PTK2: variants seen among roughly 807,000 people sequenced by gnomAD.
The protein encoded by PTK2 is protein tyrosine kinase 2, also known as focal adhesion kinase 1.
PTK2 carries 45 observed loss-of-function variants against 150.1 expected under a neutral mutation model. That is an observed-to-expected ratio of 0.30 (90% confidence interval 0.24 to 0.38). The LOEUF (loss-of-function observed/expected upper bound fraction) is 0.38. Ranked by LOEUF, PTK2 falls within the 10% of genes least tolerant of loss-of-function variation. The pLI is 1.00. For missense variants in PTK2, 919 were observed against 1,307.3 expected, an observed-to-expected ratio of 0.70 and a Z score of 4.58; for synonymous variants, 432 against 449.2, an observed-to-expected ratio of 0.96 and a Z score of 0.48.
intron 14 of PTK2, among the ~76,000 whole-genome samples, chr8:140,775,048 T>C (rs2100077607): frequency 6.6e-6 from 1 of 152,244 alleles, no homozygotes; most frequent in Non-Finnish European, 1.5e-5. Context: ...CATTCTTTTA[T>C]TCCTTTGCTT....
intron 20 of PTK2, among the ~76,000 whole-genome samples, chr8:140,742,896 C>T (rs185402375): frequency 3.9e-5 from 6 of 152,130 alleles, no homozygotes; most frequent in Admixed American, 3.9e-4. Context: ...TTTATGAATC[C>T]TTGTTTCTGG....
Position 140,810,856 on chromosome 8 carries a change from T to C in PTK2, c.868-7206A>G, listed in dbSNP as rs113381458. Among the ~76,000 whole-genome samples the C allele has an allele frequency of 5.6e-3, 846 of 152,204 alleles. 10 individuals carry two copies. The highest frequency in any genetic ancestry group is 0.019 in the African/African-American group (773 of 41,534). On this transcript the variant is annotated intron_variant, in intron 10 of 31. Transcript: ENST00000522684. ...CCTACCCACAGCAAACACCTATGCT[T>C]ACAGTGCACAGGGTGCACACACAGA... is the stretch of plus-strand genomic sequence containing the variant.
chr8:140,746,724 C>G (rs1443044556), intron 18 of PTK2, 36 bp downstream of exon 21: 1 of 1,471,250 alleles, frequency 6.8e-7, no homozygotes, highest in Non-Finnish European at 9.3e-7. Context: ...ATATCAAACG[C>G]TGAGTCCAGA....
At chr8:140,805,681 A>C (rs1284606157) in intron 10 of PTK2, among the ~76,000 whole-genome samples, 1 of 151,666 alleles carries the variant, frequency 6.6e-6, no homozygotes, top group East Asian at 1.9e-4. Flanking sequence ...TGGCAACTTC[A>C]GCTCCAAACA....
intron 11 of PTK2, among the ~76,000 whole-genome samples, chr8:140,803,329 C>A (rs745617210): frequency 1.1e-4 from 16 of 152,082 alleles, no homozygotes; most frequent in Non-Finnish European, 2.1e-4. Flanking sequence ...ATTATCTTTA[C>A]AATAACGTTC....
chr8:140,949,591 G>A (rs1221776275), intron 1 of PTK2, among the ~76,000 whole-genome samples: 1 of 152,330 alleles, frequency 6.6e-6, no homozygotes, highest in African/African-American at 2.4e-5. Context: ...GCACATGCTC[G>A]AGGCAGCGCT....
intron 1 of PTK2, among the ~76,000 whole-genome samples, chr8:140,986,471 G>A (rs1033887892): frequency 6.6e-6 from 1 of 152,198 alleles, no homozygotes; most frequent in Non-Finnish European, 1.5e-5. Flanking sequence ...GGCAAAAATT[G>A]AAGTGAAACC....
At chr8:140,900,138 C>T (rs1046289781) in intron 2 of PTK2, among the ~76,000 whole-genome samples, 2 of 152,060 alleles carry the variant, frequency 1.3e-5, no homozygotes, top group African/African-American at 2.4e-5. Context: ...GCACCCGAAT[C>T]GACAAGGAAG....
chr8:140,784,906 A>G (rs2154571752), intron 14 of PTK2, among the ~76,000 whole-genome samples: 1 of 152,356 alleles, frequency 6.6e-6, no homozygotes, highest in Non-Finnish European at 1.5e-5. Context: ...ATCTTACTGA[A>G]GGTGATCCAA....
chr8:140,794,011 A>G (rs2100090113), intron 12 of PTK2, among the ~76,000 whole-genome samples: 1 of 152,204 alleles, frequency 6.6e-6, no homozygotes, highest in South Asian at 2.1e-4. Flanking sequence ...ACTTCGTTCA[A>G]TGGTGAGGGA....
chr8:140,928,379 C>A (rs1047691532), intron 1 of PTK2, among the ~76,000 whole-genome samples: 2 of 152,136 alleles, frequency 1.3e-5, no homozygotes, highest in African/African-American at 4.8e-5. Flanking sequence ...GGTACAACTG[C>A]TATGGAAAAC....
At chr8:140,673,906 C>T (rs2100012086) in intron 29 of PTK2, among the ~76,000 whole-genome samples, 1 of 152,170 alleles carries the variant, frequency 6.6e-6, no homozygotes, top group Non-Finnish European at 1.5e-5. Context: ...TGAAGCCACA[C>T]TTATAAACTC....
At chr8:140,952,445 A>G (rs1378873668) in intron 1 of PTK2, among the ~76,000 whole-genome samples, 1 of 152,206 alleles carries the variant, frequency 6.6e-6, no homozygotes, top group African/African-American at 2.4e-5. Flanking sequence ...CAGGACCCAG[A>G]CTTCTAGGCC....
chr8:140,747,035 C>T lies in PTK2; in HGVS notation c.1418-175G>A, dbSNP rs10095264. ...CCTCCCGAGTAGCTGGGACTACAGGCGCCCACCACCACGCCCGGCTAATTT... is the reference window on the plus strand; with the variant it reads ...CCTCCCGAGTAGCTGGGACTACAGGTGCCCACCACCACGCCCGGCTAATTT... On this transcript the variant is annotated intron_variant, in intron 17 of 31. Transcript: ENST00000522684. The T allele has an allele frequency of 9.9e-3, 5,112 of 518,924 alleles. 230 individuals carry two copies. The highest frequency in any genetic ancestry group is 0.092 in the African/African-American group (4,676 of 50,672). The allele number at this position is 518,924 out of a possible 1,614,324, so 32.1% of individuals were successfully genotyped here.
intron 21 of PTK2, 97 bp from the exon 25 acceptor site, chr8:140,735,552 G>C (rs891185392): frequency 1.6e-5 from 20 of 1,233,406 alleles, no homozygotes; most frequent in Non-Finnish European, 2.1e-5. Context: ...TCGAGTACCA[G>C]CTGGGAGGTA....
chr8:140,765,980 T>A (rs914490937), intron 14 of PTK2, among the ~76,000 whole-genome samples: 5 of 152,178 alleles, frequency 3.3e-5, no homozygotes, highest in Admixed American at 2.0e-4. Flanking sequence ...AAAGCTGTCT[T>A]TCCACACAAC....
intron 10 of PTK2, among the ~76,000 whole-genome samples, chr8:140,806,398 G>A (rs1417988067): frequency 6.6e-6 from 1 of 152,062 alleles, no homozygotes; most frequent in East Asian, 1.9e-4. Context: ...ATGCACGTAC[G>A]TAACAGAGGA....
chr8:140,701,681 T>C (rs939492567), intron 25 of PTK2, among the ~76,000 whole-genome samples: 1 of 152,232 alleles, frequency 6.6e-6, no homozygotes, highest in Non-Finnish European at 1.5e-5. Context: ...GTTGGCCTCA[T>C]GTACATGCTG....
chr8:140,684,800 C>T (rs1005434901), intron 27 of PTK2, among the ~76,000 whole-genome samples: 2 of 152,050 alleles, frequency 1.3e-5, no homozygotes, highest in African/African-American at 2.4e-5. Context: ...TATGGTCGTA[C>T]CGCCCAATGG....
Sources: allele counts gnomAD v4.1 joint callset (sites outside exome capture counted in the v4.1 genomes callset), GRCh38; gene constraint gnomAD v4.1.1; transcripts MANE v1.5; gene names NCBI Gene and HGNC (gene_info 2026-07-23, HGNC 2026-07-21).